Variants in DHX35 observed in about 807,000 individuals in gnomAD.
DHX35 encodes the protein DEAH-box helicase 35.
In DHX35, 84 loss-of-function variants were observed where a neutral mutation model predicts 99.6. That is an observed-to-expected ratio of 0.84 (90% CI 0.71 to 1.01). DHX35 has a LOEUF of 1.01. Ranked by LOEUF, DHX35 falls within the 50% of genes least tolerant of loss-of-function variation. DHX35 has a pLI of 0.00. For synonymous variants in DHX35, 331 were observed against 316.2 expected (o/e 1.05, Z -0.50); for missense variants, 852 against 888.5 (o/e 0.96, Z 0.52).
rs146445542 is a variant in DHX35, at chr20:38,991,884, C to T, written c.512+369C>T. Among the ~76,000 whole-genome samples the T allele has an allele frequency of 1.5e-3, 228 of 152,300 alleles. 1 individual carries two copies. The highest frequency in any genetic ancestry group is 5.3e-3 in the African/African-American group (222 of 41,556). On this transcript the variant is annotated intron_variant, in intron 6 of 21. Transcript: ENST00000252011. The stretch of plus-strand genomic sequence containing the variant: ...TCCCCCTCTTTGTCTATCTGTCTGT[C>T]ACTCACAGCATTAAAGCTGTCCTAC...
At chr20:39,010,431 A>T (rs369197449) in intron 13 of DHX35, 27 bp downstream of exon 13, 164 of 1,612,492 alleles carry the variant, frequency 1.0e-4, no homozygotes, top group Non-Finnish European at 1.3e-4. Context: ...GTCTGGGGCC[A>T]TAGGGAGGCT....
intron 21 of DHX35, among the ~76,000 whole-genome samples, chr20:39,037,111 G>GA (rs2087166284): frequency 6.7e-6 from 1 of 148,462 alleles, no homozygotes; most frequent in Admixed American, 6.8e-5. Flanking sequence ...ATTCTTCCCA[G>GA]AAAAAAGCAC....
Position 39,003,832 on chromosome 20 carries a change from T to C in DHX35, c.936T>C (p.Val312=). 4.3e-6 allele frequency: 7 copies of C among 1,614,204 alleles called. No homozygotes were observed. Among genetic ancestry groups the C allele is most frequent in the Non-Finnish European group, 5.9e-6 (7 of 1,180,048 alleles). Residue 312 remains valine (V), a synonymous_variant, in exon 11 of 22, where the codon GTT becomes GTC. Coordinates refer to ENST00000252011, the MANE Select transcript of DHX35 (RefSeq NM_021931.4). Reference sequence around the variant, plus strand: ...CTGGGATGAAGAGACACCTCCGAGTTCTCCCCATGTATGCAGGACTGCCTT... The same window carrying C: ...CTGGGATGAAGAGACACCTCCGAGTCCTCCCCATGTATGCAGGACTGCCTT... ...ARTGMKRHLR[V]LPMYAGLPSF...
chr20:39,023,252 T>C (rs1464232331), intron 16 of DHX35, among the ~76,000 whole-genome samples: 1 of 152,190 alleles, frequency 6.6e-6, no homozygotes, highest in Non-Finnish European at 1.5e-5. Flanking sequence ...CCAAGCTGAG[T>C]TCTTTCAAGA....
intron 8 of DHX35, among the ~76,000 whole-genome samples, chr20:38,999,845 C>T (rs1341613449): frequency 1.3e-5 from 2 of 152,218 alleles, no homozygotes; most frequent in Non-Finnish European, 1.5e-5. Context: ...CCTCACTGCC[C>T]TTGTCTTGCC....
chr20:39,010,294 A>C lies in DHX35; in HGVS notation c.1237A>C (p.Lys413Gln). 2 of 1,614,100 alleles carry C rather than the reference A, an allele frequency of 1.2e-6. No homozygotes were observed. The highest frequency in any genetic ancestry group is 1.7e-6 in the Non-Finnish European group (2 of 1,180,000). ...YRLYTEEAFD[K>Q]LPQSTVPEMQ... The stretch of plus-strand genomic sequence containing the variant: ...CCTATCCTCAGAGGAAGCCTTTGAC[A>C]AGTTGCCTCAGTCTACGGTTCCTGA... Residue 413 changes from lysine (K) to glutamine (Q), a missense_variant, in exon 13 of 22, where the codon AAG becomes CAG. Lys to Gln is a moderately conservative substitution (Grantham distance 53, BLOSUM62 1). Transcript: ENST00000252011.
chr20:39,030,686 ATTC>A lies in DHX35; in HGVS notation c.1884-13_1884-11del. On this transcript the variant is annotated splice_polypyrimidine_tract_variant and intron_variant, in intron 19 of 21. Coordinates refer to ENST00000252011, the MANE Select transcript of DHX35 (RefSeq NM_021931.4). ...GTATTTAAAATGTGCTTCAGACAAAATTCTTCTATGTTCCAAGGACCATCCGTG... is the reference window on the plus strand; with the variant it reads ...GTATTTAAAATGTGCTTCAGACAAAATTCTATGTTCCAAGGACCATCCGTG... The A allele has an allele frequency of 6.2e-7, 1 of 1,612,968 alleles. No individual in the cohort carries two copies. The highest frequency in any genetic ancestry group is 1.1e-5 in the South Asian group (1 of 90,888).
Position 39,021,882 on chromosome 20 carries a change from A to G in DHX35, c.1540A>G (p.Met514Val), listed in dbSNP as rs1227875679. ...CSQEILSIAAMMQIQNIFVVP... is the reference protein window; with the variant it reads ...CSQEILSIAAVMQIQNIFVVP... Reference sequence around the variant, plus strand: ...TCAGGAAATTCTAAGCATCGCTGCCATGATGCAGATCCAGAATATCTTTGT... The same window carrying G: ...TCAGGAAATTCTAAGCATCGCTGCCGTGATGCAGATCCAGAATATCTTTGT... Residue 514 changes from methionine (M) to valine (V), a missense_variant, in exon 16 of 22, where the codon ATG becomes GTG. Coordinates refer to ENST00000252011, the MANE Select transcript of DHX35 (RefSeq NM_021931.4). 7 of 1,614,190 alleles carry G rather than the reference A, an allele frequency of 4.3e-6. No homozygotes were observed. Among genetic ancestry groups the G allele is most frequent in the East Asian group, 2.2e-5 (1 of 44,888 alleles).
At chr20:38,964,681 G>A (rs1485449501) in intron 1 of DHX35, among the ~76,000 whole-genome samples, 5 of 152,118 alleles carry the variant, frequency 3.3e-5, no homozygotes, top group African/African-American at 9.7e-5. Context: ...TGCCCACCTC[G>A]GCCTCCCAAA....
chr20:38,977,832 C>A, intron 3 of DHX35: 1 of 554,358 alleles, frequency 1.8e-6, no homozygotes, highest in African/African-American at 1.9e-5. Flanking sequence ...TGAGTCTTTT[C>A]CATTCTGATT....
intron 8 of DHX35, among the ~76,000 whole-genome samples, chr20:38,999,108 A>C (rs1045814874): frequency 6.6e-6 from 1 of 152,134 alleles, no homozygotes; most frequent in Admixed American, 6.6e-5. Context: ...TAATTCTTGA[A>C]AGAGTAACTC....
At position 39,003,804 on chromosome 20, in the gene DHX35, G is replaced by A. The variant is rs770286887; in HGVS notation, c.908G>A (p.Arg303His). The change falls in exon 11 of 22, where the codon CGC (arginine) becomes CAC (histidine). Residue 303 changes from arginine (R) to histidine (H), a missense_variant. Transcript: ENST00000252011. The stretch of plus-strand genomic sequence containing the variant: ...ATCGAGCAGGCTCGAGCACTAGCTC[G>A]CACTGGGATGAAGAGACACCTCCGA... ...MLIEQARALA[R>H]TGMKRHLRVL... The A allele has an allele frequency of 3.1e-6, 5 of 1,614,164 alleles. No homozygotes were observed. The highest frequency in any genetic ancestry group is 2.2e-5 in the East Asian group (1 of 44,878).
intron 7 of DHX35, among the ~76,000 whole-genome samples, chr20:38,993,141 T>C (rs1045608684): frequency 2.6e-5 from 4 of 152,222 alleles, no homozygotes; most frequent in African/African-American, 9.6e-5. Context: ...ATTAAGAGCA[T>C]AGGCATTGAG....
At chr20:39,001,247 C>T (rs889617027) in intron 8 of DHX35, among the ~76,000 whole-genome samples, 1 of 152,160 alleles carries the variant, frequency 6.6e-6, no homozygotes, top group South Asian at 2.1e-4. Context: ...TGGCCTAAAA[C>T]CAGTAACAAT....
intron 12 of DHX35, among the ~76,000 whole-genome samples, chr20:39,009,424 T>G (rs940410783): frequency 6.6e-6 from 1 of 151,976 alleles, no homozygotes; most frequent in South Asian, 2.1e-4. Flanking sequence ...TTTTTTTTCC[T>G]CTAGTTAACT....
At chr20:38,963,934 C>T (rs1008966591) in intron 1 of DHX35, among the ~76,000 whole-genome samples, 1 of 144,158 alleles carries the variant, frequency 6.9e-6, no homozygotes, top group Non-Finnish European at 1.6e-5. Flanking sequence ...CTACCACTTA[C>T]TAAGTTGATG....
chr20:39,017,318 A>G (rs770621940), intron 14 of DHX35, among the ~76,000 whole-genome samples: 2 of 152,090 alleles, frequency 1.3e-5, no homozygotes, highest in Non-Finnish European at 2.9e-5. Flanking sequence ...CTGGATTTAC[A>G]TAAGATCAGC....
At chr20:39,007,056 A>T (rs192937641) in intron 12 of DHX35, among the ~76,000 whole-genome samples, 29 of 152,264 alleles carry the variant, frequency 1.9e-4, no homozygotes, top group African/African-American at 6.3e-4. Flanking sequence ...AGTCATTGTT[A>T]ATTCTCTTCT....
rs570598054 is a variant in DHX35 at position 38,968,082 on chromosome 20, G to T, written c.41-999G>T. 3.3e-5 allele frequency among the ~76,000 whole-genome samples: 5 copies of T among 152,336 alleles called. No homozygotes were observed. In the South Asian group the frequency reaches 8.3e-4, roughly 25 times the overall value. On this transcript the variant is annotated intron_variant, in intron 1 of 21. Transcript: ENST00000252011. ...AAAGCAAGTGAGCTCCGTGAGGGTA[G>T]GGCTGGCATCTGTATTGTTCACTGC...
Sources: gnomAD v4.1 joint callset for allele counts (sites outside exome capture counted in the v4.1 genomes callset) on GRCh38, gnomAD v4.1.1 for gene constraint, MANE v1.5 for transcripts, NCBI Gene and HGNC (gene_info 2026-07-23, HGNC 2026-07-21) for gene names.